Variants in ATAD2 observed in about 807,000 individuals in gnomAD.
ATAD2 encodes the protein ATPase family AAA domain containing 2.
ATAD2 carries 62 observed loss-of-function variants against 168.9 expected under a neutral mutation model. The ratio of observed to expected loss-of-function variants is 0.37; its 90% CI spans 0.30 to 0.45. The LOEUF is 0.45. Ranked by LOEUF, ATAD2 falls within the 20% of genes least tolerant of loss-of-function variation. The probability of loss-of-function intolerance (pLI) is 1.00; values close to 1 mark genes in which losing one functional copy is unlikely to be tolerated. For missense variants in ATAD2, 1,419 were observed against 1,667.8 expected, an observed-to-expected ratio of 0.85 and a Z score of 2.60; for synonymous variants, 613 against 571.6, an observed-to-expected ratio of 1.07 and a Z score of -1.03.
At chr8:123,372,612 C>A (rs562361622) in intron 3 of ATAD2, 25 bp downstream of exon 3, 4 of 1,527,302 alleles carry the variant, frequency 2.6e-6, no homozygotes, top group Non-Finnish European at 2.6e-6. Flanking sequence ...ATTTTAAGAT[C>A]TGAAATGACT....
At chr8:123,353,729 C>A (rs1248620222) in intron 13 of ATAD2, among the ~76,000 whole-genome samples, 1 of 152,068 alleles carries the variant, frequency 6.6e-6, no homozygotes, top group Non-Finnish European at 1.5e-5. Context: ...TGCTTCTAGG[C>A]CTGTTTAAAG....
At position 123,359,102 on chromosome 8, in the gene ATAD2, T is replaced by C. The variant is rs1045339996; in HGVS notation, c.1382+119A>G. On this transcript the variant is annotated intron_variant, in intron 11 of 27. Coordinates refer to ENST00000287394, the MANE Select transcript of ATAD2 (RefSeq NM_014109.4). ...AGGTGATTCAGAGAGAAAAGTTGTA[T>C]AATGAAAAGGGAAAAGGGAACTATC... 8.0e-6 allele frequency: 5 copies of C among 624,154 alleles called. No individual in the cohort carries two copies. The East Asian group carries it at 8.7e-5, about 11-fold the overall frequency. The allele number at this position is 624,154 out of a possible 1,614,324, so 38.7% of individuals were successfully genotyped here.
At chr8:123,377,112 A>AAAAAAAG (rs1829341933) in intron 2 of ATAD2, among the ~76,000 whole-genome samples, 1 of 146,186 alleles carries the variant, frequency 6.8e-6, no homozygotes, top group Non-Finnish European at 1.5e-5. Context: ...AAAAAAAAAA[A>AAAAAAAG]GAGCCAGGTG....
upstream of ATAD2, among the ~76,000 whole-genome samples, chr8:123,397,975 G>A (rs1331204387): frequency 2.0e-5 from 3 of 152,004 alleles, no homozygotes; most frequent in African/African-American, 7.2e-5. Flanking sequence ...CAGGTCCTAC[G>A]GGACTCTGGG....
At chr8:123,389,984 ATTTTTT>A (rs577381945) in intron 1 of ATAD2, among the ~76,000 whole-genome samples, 3 of 115,132 alleles carry the variant, frequency 2.6e-5, no homozygotes, top group African/African-American at 1.3e-4. Flanking sequence ...ATATATATAT[ATTTTTT>A]TTTTTTTAGA....
rs114145315 is a variant in ATAD2 at position 123,368,139 on chromosome 8, C to T, written c.1049+919G>A. ...AAGTATCAAGAATTATCTCTTTGACCGGGTGTGGTGGCACACACCTGTAAT... is the reference window on the plus strand; with the variant it reads ...AAGTATCAAGAATTATCTCTTTGACTGGGTGTGGTGGCACACACCTGTAAT... On this transcript the variant is annotated intron_variant, in intron 8 of 27. Coordinates refer to ENST00000287394, the MANE Select transcript of ATAD2 (RefSeq NM_014109.4). Among the ~76,000 whole-genome samples the T allele has an allele frequency of 6.8e-3, 1,041 of 152,202 alleles. 15 individuals carry two copies. The highest frequency in any genetic ancestry group is 0.024 in the African/African-American group (991 of 41,524).
intron 25 of ATAD2, among the ~76,000 whole-genome samples, chr8:123,327,374 T>C (rs1827642938): frequency 6.6e-6 from 1 of 152,188 alleles, no homozygotes. Context: ...AAACATATTA[T>C]ACAGCCAGAA....
intron 2 of ATAD2, among the ~76,000 whole-genome samples, chr8:123,378,204 T>C (rs1041918669): frequency 1.3e-5 from 2 of 152,214 alleles, no homozygotes; most frequent in Non-Finnish European, 2.9e-5. Flanking sequence ...GTGATTTTCT[T>C]TTTTAGTGTC....
intron 1 of ATAD2, among the ~76,000 whole-genome samples, chr8:123,384,079 CAAA>C (rs754380577): frequency 4.1e-5 from 3 of 73,414 alleles, no homozygotes; most frequent in Admixed American, 1.6e-4. Flanking sequence ...GACTCCGTCT[CAAA>C]AAAAAAAAAA....
intron 7 of ATAD2, chr8:123,369,518 A>T (rs1829077142): frequency 5.9e-6 from 2 of 336,450 alleles, no homozygotes; most frequent in Non-Finnish European, 1.1e-5. Context: ...AACATAAATC[A>T]AAAGAAGTCC....
intron 11 of ATAD2, among the ~76,000 whole-genome samples, chr8:123,358,796 A>G (rs1455030234): frequency 6.9e-6 from 1 of 144,102 alleles, no homozygotes; most frequent in African/African-American, 2.6e-5. Context: ...CGGTGGCCCA[A>G]TCTCAGCTCA....
At chr8:123,368,064 C>T (rs1829032756) in intron 8 of ATAD2, among the ~76,000 whole-genome samples, 1 of 152,180 alleles carries the variant, frequency 6.6e-6, no homozygotes, top group Admixed American at 6.5e-5. Flanking sequence ...TCTTAGTCTT[C>T]TCTCTCATTC....
At chr8:123,389,986 T>TATATATATATATATATATATCTATA (rs58743148) in intron 1 of ATAD2, among the ~76,000 whole-genome samples, 1 of 67,676 alleles carries the variant, frequency 1.5e-5, no homozygotes, top group Non-Finnish European at 2.9e-5. Context: ...ATATATATAT[T>TATATATATATATATATATATCTATA]TTTTTTTTTT....
intron 26 of ATAD2, among the ~76,000 whole-genome samples, chr8:123,323,999 T>C (rs1827542193): frequency 6.6e-6 from 1 of 152,212 alleles, no homozygotes; most frequent in Admixed American, 6.5e-5. Context: ...TAATAATTGC[T>C]ACTCTTAACC....
chr8:123,384,406 T>A (rs1829587247), intron 1 of ATAD2, among the ~76,000 whole-genome samples: 1 of 152,208 alleles, frequency 6.6e-6, no homozygotes, highest in Non-Finnish European at 1.5e-5. Context: ...TAGGAGCTTT[T>A]AATGCTTAGA....
chr8:123,349,494 A>C (rs760717669), intron 13 of ATAD2, 50 bp from the exon 14 acceptor site: 13 of 1,512,188 alleles, frequency 8.6e-6, no homozygotes, highest in Non-Finnish European at 1.2e-5. Context: ...AACACAGTCT[A>C]TATCATTCAG....
chr8:123,357,125 C>T (rs1828673645), intron 12 of ATAD2, among the ~76,000 whole-genome samples: 1 of 151,944 alleles, frequency 6.6e-6, no homozygotes, highest in Non-Finnish European at 1.5e-5. Context: ...GGGAGAGTTC[C>T]AAAAAGAGAT....
At chr8:123,323,550 G>A (rs1326458954) in intron 26 of ATAD2, among the ~76,000 whole-genome samples, 2 of 151,984 alleles carry the variant, frequency 1.3e-5, no homozygotes, top group African/African-American at 4.8e-5. Context: ...CTAAAATGGT[G>A]GACTTACTGG....
intron 1 of ATAD2, among the ~76,000 whole-genome samples, chr8:123,395,615 G>A (rs1812785106): frequency 6.6e-6 from 1 of 152,192 alleles, no homozygotes; most frequent in African/African-American, 2.4e-5. Flanking sequence ...ACGAGGCTTG[G>A]AAGCGGGGGG....
Sources: gnomAD v4.1 joint callset for allele counts (sites outside exome capture counted in the v4.1 genomes callset) on GRCh38, gnomAD v4.1.1 for gene constraint, MANE v1.5 for transcripts, NCBI Gene and HGNC (gene_info 2026-07-23, HGNC 2026-07-21) for gene names.